S100Z: variants seen among roughly 807,000 people sequenced by gnomAD.
S100Z encodes the protein S100 calcium binding protein Z.
S100Z carries 11 observed loss-of-function variants against 8.5 expected under a neutral mutation model. That is an observed-to-expected ratio of 1.30 (90% CI 0.82 to 2.15). The LOEUF is 2.15. Among genes scored for constraint, S100Z ranks in the 30% most tolerant of loss-of-function variants. The probability of loss-of-function intolerance (pLI) is 0.00; values close to 1 mark genes in which losing one functional copy is unlikely to be tolerated. For missense variants in S100Z, 126 were observed against 117.9 expected (o/e 1.07, Z -0.32); for synonymous variants, 34 against 43.8 (o/e 0.78, Z 0.89).
At chr5:76,896,690 G>T (rs1744048609) in intron 4 of S100Z, among the ~76,000 whole-genome samples, 1 of 152,148 alleles carries the variant, frequency 6.6e-6, no homozygotes, top group Admixed American at 6.5e-5. Flanking sequence ...CCACATCCTT[G>T]CCAGCATTCA....
chr5:76,930,420 C>T, the S100Z span, among the ~76,000 whole-genome samples: 2 of 152,116 alleles, frequency 1.3e-5, no homozygotes, highest in African/African-American at 4.8e-5. Flanking sequence ...ACAATAGAAC[C>T]AGGACTGAAC....
At chr5:76,922,592 C>T (rs965216986), downstream of S100Z, among the ~76,000 whole-genome samples, 4 of 152,130 alleles carry the variant, frequency 2.6e-5, no homozygotes, top group Non-Finnish European at 5.9e-5. Context: ...GTGGCACGAT[C>T]GGCTGACTGC....
At chr5:76,890,963 G>C (rs1330812387) in intron 4 of S100Z, among the ~76,000 whole-genome samples, 1 of 152,216 alleles carries the variant, frequency 6.6e-6, no homozygotes, top group African/African-American at 2.4e-5. Context: ...CTGGGTTCAA[G>C]CAATTCTCCT....
At chr5:76,948,476 A>T in the S100Z span, among the ~76,000 whole-genome samples, 1 of 152,180 alleles carries the variant, frequency 6.6e-6, no homozygotes, top group South Asian at 2.1e-4. Flanking sequence ...AACTCCTACA[A>T]CTCAGCAAAA....
chr5:76,936,480 AT>A, the S100Z span, among the ~76,000 whole-genome samples: 2 of 152,066 alleles, frequency 1.3e-5, no homozygotes, highest in Non-Finnish European at 2.9e-5. Context: ...ATTTTAAACA[AT>A]TTTTTAAAAC....
At chr5:76,891,002 C>T (rs1743837915) in intron 4 of S100Z, among the ~76,000 whole-genome samples, 1 of 152,140 alleles carries the variant, frequency 6.6e-6, no homozygotes, top group Non-Finnish European at 1.5e-5. Flanking sequence ...GCTGGGATTA[C>T]AGGCATGCAC....
At chr5:76,866,065 T>C (rs114005266) in intron 1 of S100Z, among the ~76,000 whole-genome samples, 2 of 151,702 alleles carry the variant, frequency 1.3e-5, no homozygotes, top group African/African-American at 4.8e-5. Flanking sequence ...TTAACTTATT[T>C]TGAAGAAAGA....
chr5:76,940,512 A>C, the S100Z span, among the ~76,000 whole-genome samples: 1 of 151,924 alleles, frequency 6.6e-6, no homozygotes, highest in African/African-American at 2.4e-5. Flanking sequence ...TTCTGGGTTC[A>C]AGTGATTCTC....
intron 1 of S100Z, among the ~76,000 whole-genome samples, chr5:76,857,386 T>C (rs1414054865): frequency 1.3e-5 from 2 of 152,128 alleles, no homozygotes. Flanking sequence ...CCCAGTAATA[T>C]GAGGATGCAC....
intron 4 of S100Z, among the ~76,000 whole-genome samples, chr5:76,914,877 G>A (rs538800131): frequency 6.6e-6 from 1 of 152,118 alleles, no homozygotes; most frequent in Non-Finnish European, 1.5e-5. Flanking sequence ...CCAGAAGGAA[G>A]AAACTCCGGA....
intron 1 of S100Z, among the ~76,000 whole-genome samples, chr5:76,863,129 G>T (rs1435287455): frequency 6.6e-6 from 1 of 152,180 alleles, no homozygotes; most frequent in East Asian, 1.9e-4. Context: ...GACTTTCCTG[G>T]CAGAAATGTG....
the S100Z span, among the ~76,000 whole-genome samples, chr5:76,929,525 T>C: frequency 2.4e-4 from 37 of 152,224 alleles, no homozygotes; most frequent in African/African-American, 8.4e-4. Context: ...TATAAGTGCA[T>C]GACAATATCC....
At chr5:76,925,235 A>G (rs1485339376), downstream of S100Z, among the ~76,000 whole-genome samples, 2 of 152,136 alleles carry the variant, frequency 1.3e-5, no homozygotes, top group Non-Finnish European at 2.9e-5. Context: ...ACATGCCATC[A>G]CTTCTAACAC....
intron 2 of S100Z, among the ~76,000 whole-genome samples, chr5:76,870,916 G>C (rs2150634574): frequency 6.6e-6 from 1 of 152,242 alleles, no homozygotes; most frequent in South Asian, 2.1e-4. Flanking sequence ...GAGGCCAGAA[G>C]TTTGGGACCA....
chr5:76,873,168 C>T (rs1224346519), intron 2 of S100Z, among the ~76,000 whole-genome samples: 1 of 152,014 alleles, frequency 6.6e-6, no homozygotes, highest in Admixed American at 6.6e-5. Context: ...TTTTAGCCAC[C>T]ATGATACTGC....
intron 4 of S100Z, among the ~76,000 whole-genome samples, chr5:76,878,424 G>T (rs1411528729): frequency 6.6e-6 from 1 of 152,176 alleles, no homozygotes; most frequent in Non-Finnish European, 1.5e-5. Flanking sequence ...CCTTGGGTTG[G>T]ATAATTCTGA....
At chr5:76,882,663 T>C (rs1743449453) in intron 4 of S100Z, among the ~76,000 whole-genome samples, 1 of 152,156 alleles carries the variant, frequency 6.6e-6, no homozygotes, top group African/African-American at 2.4e-5. Context: ...GCATGTGTAT[T>C]TTCATGAAGA....
chr5:76,943,921 A>G, the S100Z span, among the ~76,000 whole-genome samples: 4 of 90,712 alleles, frequency 4.4e-5, no homozygotes, highest in Non-Finnish European at 1.0e-4. Flanking sequence ...ATTTATTTAA[A>G]ACTTTGACAT....
the S100Z span, among the ~76,000 whole-genome samples, chr5:76,936,886 G>A: frequency 1.3e-5 from 2 of 151,996 alleles, no homozygotes; most frequent in Non-Finnish European, 2.9e-5. Flanking sequence ...GAGAAGCTGC[G>A]AGATCTCAAG....
Sources: allele counts gnomAD v4.1 joint callset (sites outside exome capture counted in the v4.1 genomes callset), GRCh38; gene constraint gnomAD v4.1.1; transcripts MANE v1.5; gene names NCBI Gene and HGNC (gene_info 2026-07-23, HGNC 2026-07-21).